Variants in CSMD1 observed in about 807,000 individuals in gnomAD.
The protein encoded by CSMD1 is CUB and sushi domain-containing protein 1.
Under a neutral mutation model 417.5 loss-of-function variants are expected in CSMD1, and 213 were observed. That is an observed-to-expected ratio of 0.51 (90% CI 0.46 to 0.57). The LOEUF (loss-of-function observed/expected upper bound fraction) is 0.57. CSMD1 is among the 20% of genes least tolerant of loss of function. The pLI is 0.00. For missense variants in CSMD1, 6,923 were observed against 4,529.7 expected (o/e 1.53, Z -15.17); for synonymous variants, 2,862 against 1,736.8 (o/e 1.65, Z -16.11).
chr8:3,985,149 G>C, intron 5 of CSMD1, among the ~76,000 whole-genome samples: 1 of 152,096 alleles, frequency 6.6e-6, no homozygotes, highest in East Asian at 1.9e-4. Flanking sequence ...GAGAGGGTGT[G>C]ATGGATGCCA....
intron 7 of CSMD1, among the ~76,000 whole-genome samples, chr8:3,669,218 G>C (rs548505086): frequency 6.6e-6 from 1 of 152,188 alleles, no homozygotes; most frequent in East Asian, 1.9e-4. Flanking sequence ...TAAATTCAAA[G>C]ACACTAAATA....
intron 3 of CSMD1, among the ~76,000 whole-genome samples, chr8:4,403,635 G>C (rs777055070): frequency 6.6e-6 from 1 of 152,070 alleles, no homozygotes; most frequent in Non-Finnish European, 1.5e-5. Flanking sequence ...GGTCTACTTA[G>C]TCGGTGTTTA....
intron 1 of CSMD1, among the ~76,000 whole-genome samples, chr8:4,889,641 G>C (rs1394305865): frequency 2.0e-5 from 3 of 152,042 alleles, no homozygotes; most frequent in African/African-American, 4.8e-5. Context: ...GTAGCCATAA[G>C]AGACTGCAAA....
chr8:4,677,987 A>T (rs1805801075), intron 1 of CSMD1, among the ~76,000 whole-genome samples: 1 of 152,220 alleles, frequency 6.6e-6, no homozygotes, highest in African/African-American at 2.4e-5. Flanking sequence ...CCATGGTTTG[A>T]TGTCAGAGAC....
chr8:4,058,293 G>A, intron 3 of CSMD1, among the ~76,000 whole-genome samples: 1 of 152,058 alleles, frequency 6.6e-6, no homozygotes, highest in Non-Finnish European at 1.5e-5. Context: ...TCTCTTTGAA[G>A]CAACTGTGAA....
intron 4 of CSMD1, among the ~76,000 whole-genome samples, chr8:4,011,822 T>G (rs185060011): frequency 4.1e-4 from 63 of 152,288 alleles, no homozygotes; most frequent in African/African-American, 1.4e-3. Context: ...GAATAATATG[T>G]GCACAGTCAT....
rs144042187 is a variant in CSMD1, at chr8:4,099,005, A to T, written c.416-66906T>A. On this transcript the variant is annotated intron_variant, in intron 3 of 69. Transcript: ENST00000635120. ...TACACATGAACTCTCTTAGACTCCA[A>T]ACAACTCTTCAGCTGAATTAATAAC... Among the ~76,000 whole-genome samples, 990 of 152,316 alleles carry T rather than the reference A, an allele frequency of 6.5e-3. 6 individuals carry two copies. Among genetic ancestry groups the T allele is most frequent in the Non-Finnish European group, 0.011 (765 of 68,032 alleles).
At chr8:4,238,460 G>A (rs1227138218) in intron 3 of CSMD1, among the ~76,000 whole-genome samples, 1 of 152,174 alleles carries the variant, frequency 6.6e-6, no homozygotes, top group Non-Finnish European at 1.5e-5. Flanking sequence ...GACAAAGATG[G>A]GAGCACACTG....
intron 9 of CSMD1, among the ~76,000 whole-genome samples, chr8:3,578,713 G>T (rs910202833): frequency 6.6e-6 from 1 of 152,158 alleles, no homozygotes; most frequent in Non-Finnish European, 1.5e-5. Flanking sequence ...TCACACAGGA[G>T]ACAGCCGAGG....
intron 4 of CSMD1, among the ~76,000 whole-genome samples, chr8:4,000,120 A>C (rs1563303074): frequency 6.6e-6 from 1 of 152,162 alleles, no homozygotes; most frequent in Non-Finnish European, 1.5e-5. Flanking sequence ...CTCCGTGGGC[A>C]CCACTGTGCA....
chr8:4,249,669 C>G (rs187160860), intron 3 of CSMD1, among the ~76,000 whole-genome samples: 1 of 152,166 alleles, frequency 6.6e-6, no homozygotes, highest in African/African-American at 2.4e-5. Flanking sequence ...GCTGCCAGCT[C>G]TCTTCTCCTA....
intron 6 of CSMD1, among the ~76,000 whole-genome samples, chr8:3,734,806 C>T (rs1244314994): frequency 2.0e-5 from 3 of 152,168 alleles, no homozygotes; most frequent in African/African-American, 7.2e-5. Context: ...GTGCTGAGGC[C>T]CCGTGACGGG....
intron 8 of CSMD1, among the ~76,000 whole-genome samples, chr8:3,596,737 G>A (rs1375410336): frequency 6.6e-6 from 1 of 152,016 alleles, no homozygotes; most frequent in African/African-American, 2.4e-5. Flanking sequence ...AGGAGGGTGG[G>A]CAAGAGAAGA....
At chr8:4,137,822 A>G (rs139338333) in intron 3 of CSMD1, among the ~76,000 whole-genome samples, 1,945 of 151,348 alleles carry the variant, frequency 0.013, 415 homozygotes, top group South Asian at 0.026. Flanking sequence ...ACATTATGTC[A>G]GAAACTCAGT....
intron 3 of CSMD1, among the ~76,000 whole-genome samples, chr8:4,235,782 T>C (rs150455838): frequency 1.3e-5 from 2 of 152,212 alleles, no homozygotes; most frequent in Non-Finnish European, 2.9e-5. Flanking sequence ...CTAGTCTTTT[T>C]CTTTTTTTCT....
intron 3 of CSMD1, among the ~76,000 whole-genome samples, chr8:4,416,367 C>T (rs1044405228): frequency 1.3e-5 from 2 of 151,972 alleles, no homozygotes; most frequent in Non-Finnish European, 2.9e-5. Context: ...TTCATAAAAG[C>T]TAGATTTTAA....
rs111739272 is a variant in CSMD1 at position 4,468,639 on chromosome 8, A to G, written c.303-48574T>C. 3.9e-5 allele frequency among the ~76,000 whole-genome samples: 6 copies of G among 152,200 alleles called. 1 individual carries two copies. Among genetic ancestry groups the G allele is most frequent in the African/African-American group, 1.2e-4 (5 of 41,452 alleles). On this transcript the variant is annotated intron_variant, in intron 2 of 69. Transcript: ENST00000635120. ...TTGAACCTAATTGTTAAAATGGTCC[A>G]TATCCTACTAAACCTAGGTAGATCT...
At chr8:3,599,945 A>C (rs546941346) in intron 8 of CSMD1, among the ~76,000 whole-genome samples, 3 of 152,298 alleles carry the variant, frequency 2.0e-5, no homozygotes, top group Middle Eastern at 3.4e-3. Context: ...TCTTAAAGCA[A>C]AGTGTCGGTC....
chr8:3,253,838 T>G (rs1023959191), intron 26 of CSMD1, among the ~76,000 whole-genome samples: 1 of 152,206 alleles, frequency 6.6e-6, no homozygotes, highest in Admixed American at 6.5e-5. Flanking sequence ...AATTTGCCAG[T>G]CTGTGTCTTT....
Sources: gnomAD v4.1 joint callset for allele counts (sites outside exome capture counted in the v4.1 genomes callset) on GRCh38, gnomAD v4.1.1 for gene constraint, MANE v1.5 for transcripts, NCBI Gene and HGNC (gene_info 2026-07-23, HGNC 2026-07-21) for gene names.